The following SYNPR variants were observed in gnomAD, a reference collection of about 807,000 sequenced individuals.
SYNPR encodes the protein synaptoporin.
A neutral mutation model predicts 32.9 loss-of-function variants in SYNPR; 23 were observed. That is an observed-to-expected ratio of 0.70 (90% CI 0.50 to 0.99). The LOEUF is 0.99. Ranked by LOEUF, SYNPR falls within the 50% of genes least tolerant of loss-of-function variation. The probability of loss-of-function intolerance (pLI) is 0.00; values close to 1 mark genes in which losing one functional copy is unlikely to be tolerated. For missense variants in SYNPR, 318 were observed against 349.3 expected (o/e 0.91, Z 0.71); for synonymous variants, 146 against 135.9 (o/e 1.07, Z -0.52).
chr3:63,394,128 G>C (rs564591119), intron 2 of SYNPR, among the ~76,000 whole-genome samples: 9 of 152,130 alleles, frequency 5.9e-5, no homozygotes, highest in Non-Finnish European at 8.8e-5. Context: ...AGTAGGTACA[G>C]AATAAATATT....
At chr3:63,526,693 A>C (rs962356026) in intron 3 of SYNPR, among the ~76,000 whole-genome samples, 4 of 152,236 alleles carry the variant, frequency 2.6e-5, no homozygotes, top group Non-Finnish European at 5.9e-5. Context: ...TAAGGGGTGC[A>C]TAGATGTGAC....
intron 4 of SYNPR, chr3:63,561,516 G>C (rs1439183358): frequency 6.6e-6 from 1 of 152,160 alleles, no homozygotes; most frequent in Non-Finnish European, 1.5e-5. Flanking sequence ...AGATAGGTAA[G>C]ACAAATTGGT....
chr3:63,239,610 C>T (rs1438541329), intron 1 of SYNPR, among the ~76,000 whole-genome samples: 1 of 150,204 alleles, frequency 6.7e-6, no homozygotes, highest in African/African-American at 2.4e-5. Flanking sequence ...GTCACCCATA[C>T]TATCATTGTC....
At chr3:63,497,093 C>A (rs1575676083) in intron 3 of SYNPR, among the ~76,000 whole-genome samples, 1 of 152,094 alleles carries the variant, frequency 6.6e-6, no homozygotes, top group African/African-American at 2.4e-5. Flanking sequence ...CCCAATATGA[C>A]CATCACACAG....
intron 2 of SYNPR, among the ~76,000 whole-genome samples, chr3:63,266,297 C>T (rs917979676): frequency 6.6e-6 from 1 of 151,896 alleles, no homozygotes; most frequent in Non-Finnish European, 1.5e-5. Flanking sequence ...ACTATTGTTA[C>T]ATTGCCTATT....
chr3:63,275,466 T>C (rs1016511480), upstream of SYNPR, among the ~76,000 whole-genome samples: 13 of 152,190 alleles, frequency 8.5e-5, no homozygotes, highest in Non-Finnish European at 1.5e-4. Flanking sequence ...TTCCTTCACA[T>C]GGTGTTTGGA....
At chr3:63,528,637 T>C (rs1702059211) in intron 3 of SYNPR, among the ~76,000 whole-genome samples, 1 of 152,028 alleles carries the variant, frequency 6.6e-6, no homozygotes, top group African/African-American at 2.4e-5. Flanking sequence ...AGATGCATTT[T>C]TTTTTTACTT....
intron 4 of SYNPR, among the ~76,000 whole-genome samples, chr3:63,595,861 TTA>T (rs1397922235): frequency 6.1e-4 from 42 of 69,110 alleles, no homozygotes; most frequent in African/African-American, 2.2e-3. Flanking sequence ...ATATATATAG[TTA>T]TATATATATA....
the SYNPR span, among the ~76,000 whole-genome samples, chr3:63,209,242 C>T: frequency 1.5e-5 from 2 of 135,540 alleles, no homozygotes; most frequent in African/African-American, 2.8e-5. Flanking sequence ...GGCATGAACC[C>T]GGGGGGCGGA....
chr3:63,409,365 C>A (rs2088431439), intron 2 of SYNPR, among the ~76,000 whole-genome samples: 1 of 152,138 alleles, frequency 6.6e-6, no homozygotes, highest in South Asian at 2.1e-4. Context: ...TGATAGGAGG[C>A]AGGGTCATAA....
At chr3:63,401,062 A>G (rs1035782789) in intron 2 of SYNPR, among the ~76,000 whole-genome samples, 1 of 152,102 alleles carries the variant, frequency 6.6e-6, no homozygotes, top group Non-Finnish European at 1.5e-5. Context: ...TATGATGATA[A>G]CAAGAGGACC....
chr3:63,589,266 T>C (rs1011820233), intron 4 of SYNPR, among the ~76,000 whole-genome samples: 12 of 152,120 alleles, frequency 7.9e-5, no homozygotes, highest in African/African-American at 2.4e-4. Flanking sequence ...TCCCCAGATA[T>C]TGTTTTTTTA....
At chr3:63,292,477 A>G (rs1433264635) in intron 2 of SYNPR, among the ~76,000 whole-genome samples, 7 of 152,206 alleles carry the variant, frequency 4.6e-5, no homozygotes, top group Non-Finnish European at 7.3e-5. Flanking sequence ...ATTCTCATTT[A>G]GTAATAGAAA....
At chr3:63,419,707 TC>T (rs1487190963) in intron 2 of SYNPR, among the ~76,000 whole-genome samples, 1 of 152,108 alleles carries the variant, frequency 6.6e-6, no homozygotes, top group Non-Finnish European at 1.5e-5. Context: ...ATGAAGTGGG[TC>T]AGGGAAGTTA....
chr3:63,583,853 C>T (rs1414208442), intron 4 of SYNPR, among the ~76,000 whole-genome samples: 1 of 152,040 alleles, frequency 6.6e-6, no homozygotes, highest in African/African-American at 2.4e-5. Context: ...GTTCTGACTG[C>T]AGATCCTATT....
chr3:63,228,702 A>G (rs987515564), intron 1 of SYNPR, among the ~76,000 whole-genome samples: 3 of 152,092 alleles, frequency 2.0e-5, no homozygotes, highest in African/African-American at 7.2e-5. Context: ...GAAAGAGAGA[A>G]TTTCCTGGTA....
intron 2 of SYNPR, among the ~76,000 whole-genome samples, chr3:63,291,706 G>GA (rs747396257): frequency 2.0e-5 from 3 of 150,546 alleles, no homozygotes; most frequent in East Asian, 1.9e-4. Flanking sequence ...CTTCATTGGT[G>GA]AAAAAAAAAG....
At chr3:63,314,626 C>G (rs2087021635) in intron 2 of SYNPR, among the ~76,000 whole-genome samples, 1 of 151,896 alleles carries the variant, frequency 6.6e-6, no homozygotes, top group Admixed American at 6.6e-5. Flanking sequence ...GGATATTAGC[C>G]TTTTGTCAGA....
chr3:63,437,394 T>C (rs1028448422), intron 2 of SYNPR, among the ~76,000 whole-genome samples: 1 of 152,066 alleles, frequency 6.6e-6, no homozygotes, highest in African/African-American at 2.4e-5. Flanking sequence ...CAAGTAGTAA[T>C]ATACAGAGCT....
Sources: allele counts gnomAD v4.1 joint callset (sites outside exome capture counted in the v4.1 genomes callset), GRCh38; gene constraint gnomAD v4.1.1; transcripts MANE v1.5; gene names NCBI Gene and HGNC (gene_info 2026-07-23, HGNC 2026-07-21).